The following SORCS3 variants were observed in gnomAD, a reference collection of about 807,000 sequenced individuals.
SORCS3 encodes the protein sortilin related VPS10 domain containing receptor 3.
SORCS3 carries 57 observed loss-of-function variants against 146.3 expected under a neutral mutation model. The ratio of observed to expected loss-of-function variants is 0.39; its 90% confidence interval spans 0.31 to 0.49. The LOEUF is 0.49. Ranked by LOEUF, SORCS3 falls within the 20% of genes least tolerant of loss-of-function variation. SORCS3 has a pLI of 0.92. For missense variants in SORCS3, 1,341 were observed against 1,575.5 expected (o/e 0.85, Z 2.52); for synonymous variants, 653 against 618.5 (o/e 1.06, Z -0.83).
chr10:105,019,125 G>A (rs574526017), intron 4 of SORCS3, among the ~76,000 whole-genome samples: 4 of 151,870 alleles, frequency 2.6e-5, no homozygotes, highest in African/African-American at 7.3e-5. Flanking sequence ...GTCCCTCTTT[G>A]CCTCTTCCAT....
At chr10:105,049,600 A>G (rs2055397234) in intron 5 of SORCS3, among the ~76,000 whole-genome samples, 2 of 152,128 alleles carry the variant, frequency 1.3e-5, no homozygotes, top group South Asian at 2.1e-4. Context: ...TTTAATCACT[A>G]CTATAAGAAG....
intron 9 of SORCS3, among the ~76,000 whole-genome samples, chr10:105,148,258 G>A (rs2056145991): frequency 6.6e-6 from 1 of 152,038 alleles, no homozygotes. Flanking sequence ...TCAGTGGTGG[G>A]AATGAGAGTT....
chr10:104,823,160 G>A (rs1046519300), intron 1 of SORCS3, among the ~76,000 whole-genome samples: 4 of 152,148 alleles, frequency 2.6e-5, no homozygotes, highest in African/African-American at 4.8e-5. Context: ...GATGAGTAAC[G>A]ACAAAATAGG....
chr10:104,767,826 C>A (rs983320806), intron 1 of SORCS3, among the ~76,000 whole-genome samples: 2 of 148,452 alleles, frequency 1.3e-5, no homozygotes, highest in African/African-American at 2.5e-5. Context: ...TTCTTCCCCC[C>A]TCTCCTCCCC....
chr10:104,901,241 C>G (rs2018847910), intron 2 of SORCS3, among the ~76,000 whole-genome samples: 1 of 152,082 alleles, frequency 6.6e-6, no homozygotes, highest in African/African-American at 2.4e-5. Flanking sequence ...ACCAAACAAC[C>G]CAGGAAAAAC....
chr10:105,132,213 G>A (rs1018209919), intron 7 of SORCS3, among the ~76,000 whole-genome samples: 1 of 151,946 alleles, frequency 6.6e-6, no homozygotes, highest in Admixed American at 6.6e-5. Flanking sequence ...AAAATAGAAG[G>A]CTAACGTGTA....
intron 1 of SORCS3, among the ~76,000 whole-genome samples, chr10:104,660,204 C>T (rs1208814446): frequency 1.3e-5 from 2 of 152,190 alleles, no homozygotes; most frequent in Non-Finnish European, 2.9e-5. Context: ...CTGCACATCG[C>T]TGTGTCTTAG....
At chr10:104,985,377 C>T (rs2054956307) in intron 4 of SORCS3, among the ~76,000 whole-genome samples, 1 of 152,100 alleles carries the variant, frequency 6.6e-6, no homozygotes, top group African/African-American at 2.4e-5. Flanking sequence ...TCTTCAGGCT[C>T]CACTTATAAT....
chr10:104,761,904 G>A (rs899480301), intron 1 of SORCS3, among the ~76,000 whole-genome samples: 2 of 152,142 alleles, frequency 1.3e-5, no homozygotes, highest in African/African-American at 4.8e-5. Context: ...GCCTGTTAAT[G>A]ATTCTTAAAT....
At chr10:104,909,031 C>T (rs554698049) in intron 2 of SORCS3, among the ~76,000 whole-genome samples, 28 of 152,036 alleles carry the variant, frequency 1.8e-4, no homozygotes, top group Admixed American at 3.3e-4. Flanking sequence ...GAACATGACT[C>T]GGGGGTGGGA....
chr10:105,090,725 G>C (rs752437390), intron 6 of SORCS3, among the ~76,000 whole-genome samples: 19 of 152,048 alleles, frequency 1.2e-4, no homozygotes, highest in Non-Finnish European at 1.5e-4. Context: ...ACCTCTCTGG[G>C]CTGTAACTCC....
chr10:104,665,505 A>G lies in SORCS3; in HGVS notation c.627+23551A>G, dbSNP rs367914262. On this transcript the variant is annotated intron_variant, in intron 1 of 26. Coordinates refer to ENST00000369701, the MANE Select transcript of SORCS3 (RefSeq NM_014978.3). ...TCCAAGAGATAGTCAGAGAAAAAAC[A>G]TGGCCTGTGACAATGATTGCCCTGA... 1.2e-4 allele frequency: 19 copies of G among 152,368 alleles called. No homozygotes were observed. The East Asian group carries it at 3.5e-3, about 28-fold the overall frequency. The allele number at this position is 152,368 out of a possible 1,614,324, so 9.4% of individuals were successfully genotyped here.
At chr10:105,239,866 T>C (rs2056813095) in intron 20 of SORCS3, among the ~76,000 whole-genome samples, 1 of 152,188 alleles carries the variant, frequency 6.6e-6, no homozygotes. Context: ...AAGAATCCTG[T>C]TGAGTGTTCC....
intron 4 of SORCS3, among the ~76,000 whole-genome samples, chr10:105,004,659 G>A (rs1226063404): frequency 6.6e-6 from 1 of 152,108 alleles, no homozygotes; most frequent in Non-Finnish European, 1.5e-5. Flanking sequence ...AGCCAGGTGG[G>A]CTAATGCAGC....
At position 105,199,994 on chromosome 10, in the gene SORCS3, C is replaced by T. The variant is rs768699828; in HGVS notation, c.2010-5C>T. 11 of 1,611,384 alleles carry T rather than the reference C, an allele frequency of 6.8e-6. No individual in the cohort carries two copies. In the South Asian group the frequency reaches 1.1e-4, roughly 16 times the overall value. On this transcript the variant is annotated splice_region_variant and splice_polypyrimidine_tract_variant and intron_variant, in intron 14 of 26. Coordinates refer to ENST00000369701, the MANE Select transcript of SORCS3 (RefSeq NM_014978.3). ...GTGTCTCCCACTCCTCCCCTAAACA[C>T]TTAGAGTTTTTGGCCACTTCAGCCT...
intron 1 of SORCS3, among the ~76,000 whole-genome samples, chr10:104,791,368 G>C (rs894290882): frequency 6.6e-6 from 1 of 152,156 alleles, no homozygotes; most frequent in East Asian, 1.9e-4. Context: ...TCCTTTTCCT[G>C]GTTGCTGTGC....
chr10:105,103,474 T>A (rs2055800416), intron 6 of SORCS3, among the ~76,000 whole-genome samples: 1 of 152,172 alleles, frequency 6.6e-6, no homozygotes, highest in Admixed American at 6.5e-5. Context: ...TTCAAGTCCA[T>A]CCAGTTTCCA....
At chr10:104,981,736 G>C (rs1207122693) in intron 4 of SORCS3, among the ~76,000 whole-genome samples, 1 of 152,202 alleles carries the variant, frequency 6.6e-6, no homozygotes, top group African/African-American at 2.4e-5. Flanking sequence ...ACATGCTCAT[G>C]TATTCACAGA....
At position 104,643,545 on chromosome 10, in the gene SORCS3, G is replaced by C. The variant is rs572356816; in HGVS notation, c.627+1591G>C. Among the ~76,000 whole-genome samples the C allele has an allele frequency of 2.6e-5, 4 of 152,264 alleles. No homozygotes were observed. The South Asian group carries it at 6.2e-4, about 24-fold the overall frequency. On this transcript the variant is annotated intron_variant, in intron 1 of 26. Coordinates refer to ENST00000369701, the MANE Select transcript of SORCS3 (RefSeq NM_014978.3). Reference sequence around the variant, plus strand: ...TCGGGCTGACAGCTCTGGCGAGAGGGGTGGACAATGTGTGCCTTTGCAGGG... The same window carrying C: ...TCGGGCTGACAGCTCTGGCGAGAGGCGTGGACAATGTGTGCCTTTGCAGGG...
Sources: gnomAD v4.1 joint callset for allele counts (sites outside exome capture counted in the v4.1 genomes callset) on GRCh38, gnomAD v4.1.1 for gene constraint, MANE v1.5 for transcripts, NCBI Gene and HGNC (gene_info 2026-07-23, HGNC 2026-07-21) for gene names.